Variants in CPNE1 observed in about 807,000 individuals in gnomAD.
The protein encoded by CPNE1 is copine-1.
CPNE1 carries 58 observed loss-of-function variants against 63.2 expected under a neutral mutation model. The ratio of observed to expected loss-of-function variants is 0.92; its 90% CI spans 0.74 to 1.14. The LOEUF is 1.14. Among genes scored for constraint, CPNE1 ranks in the 50% most tolerant of loss-of-function variants. The probability of loss-of-function intolerance (pLI) is 0.00; values close to 1 mark genes in which losing one functional copy is unlikely to be tolerated. For synonymous variants in CPNE1, 237 were observed against 249.0 expected (o/e 0.95, Z 0.45); for missense variants, 672 against 661.7 (o/e 1.02, Z -0.17).
chr20:35,644,636 CTGAGAA>C (rs139260828), intron 1 of CPNE1, among the ~76,000 whole-genome samples: 4,277 of 152,294 alleles, frequency 0.028, 83 homozygotes, highest in Non-Finnish European at 0.04. Flanking sequence ...CGAACCGATT[CTGAGAA>C]TGTTATTTCT....
chr20:35,631,808 C>T (rs761696013), intron 6 of CPNE1, 31 bp from the exon 7 acceptor site: 2 of 1,592,138 alleles, frequency 1.3e-6, no homozygotes, highest in East Asian at 2.2e-5. Flanking sequence ...CTCCAGTGAG[C>T]TCTGGCATGG....
At chr20:35,656,020 T>A (rs528956446) in intron 1 of CPNE1, among the ~76,000 whole-genome samples, 2 of 152,300 alleles carry the variant, frequency 1.3e-5, no homozygotes, top group East Asian at 3.9e-4. Flanking sequence ...GGTTAAGACA[T>A]ACTAAGAAGC....
intron 13 of CPNE1, among the ~76,000 whole-genome samples, chr20:35,629,617 A>G (rs1185118723): frequency 1.3e-5 from 2 of 151,568 alleles, no homozygotes; most frequent in African/African-American, 4.8e-5. Flanking sequence ...ACCAAAGCAC[A>G]CAGAGATTAA....
At chr20:35,637,865 C>A (rs1329883129) in intron 1 of CPNE1, among the ~76,000 whole-genome samples, 1 of 152,180 alleles carries the variant, frequency 6.6e-6, no homozygotes, top group Non-Finnish European at 1.5e-5. Flanking sequence ...CCTTTCTGAT[C>A]CACATATACC....
intron 1 of CPNE1, among the ~76,000 whole-genome samples, chr20:35,634,757 G>A (rs1229650967): frequency 4.0e-5 from 6 of 151,830 alleles, no homozygotes; most frequent in African/African-American, 7.2e-5. Context: ...TCCTTCTTTC[G>A]TGAGACAGAG....
At chr20:35,632,967 C>A in intron 1 of CPNE1, 44 bp from the exon 2 acceptor site, 1 of 846,218 alleles carries the variant, frequency 1.2e-6, no homozygotes, top group Non-Finnish European at 2.1e-6. Context: ...AGCCTTCTCT[C>A]CCCTTCCCCG....
At chr20:35,630,412 T>C (rs931183363) in intron 13 of CPNE1, 27 bp downstream of exon 13, 2 of 1,608,838 alleles carry the variant, frequency 1.2e-6, no homozygotes, top group Non-Finnish European at 1.7e-6. Flanking sequence ...TGGACAGACC[T>C]GCCTCAGGGT....
intron 13 of CPNE1, 104 bp downstream of exon 13, chr20:35,630,335 T>C: frequency 1.2e-6 from 1 of 847,814 alleles, no homozygotes; most frequent in Non-Finnish European, 1.9e-6. Flanking sequence ...ATCCACCCTC[T>C]GGACAATGAA....
intron 12 of CPNE1, 73 bp from the exon 13 acceptor site, chr20:35,630,563 G>GC: frequency 6.4e-7 from 1 of 1,551,632 alleles, no homozygotes; most frequent in Non-Finnish European, 8.9e-7. Flanking sequence ...ACTGGCGTGT[G>GC]CCAAGATTCC....
At chr20:35,627,882 T>C (rs935417447) in intron 13 of CPNE1, among the ~76,000 whole-genome samples, 5 of 152,128 alleles carry the variant, frequency 3.3e-5, no homozygotes, top group Admixed American at 6.6e-5. Flanking sequence ...CAGTGGCATG[T>C]GCCTGTAGTC....
intron 1 of CPNE1, chr20:35,653,487 T>C (rs2033686878): frequency 1.2e-6 from 2 of 1,614,110 alleles, no homozygotes; most frequent in Non-Finnish European, 1.7e-6. Context: ...CAAAAGCTTC[T>C]CTCCCATTAA....
chr20:35,663,720 A>G (rs985800633), intron 1 of CPNE1, among the ~76,000 whole-genome samples: 1 of 152,154 alleles, frequency 6.6e-6, no homozygotes, highest in Admixed American at 6.6e-5. Flanking sequence ...ATTTGTCACT[A>G]TAAAGCACAC....
chr20:35,644,775 C>T (rs2033015515), intron 1 of CPNE1, among the ~76,000 whole-genome samples: 1 of 152,196 alleles, frequency 6.6e-6, no homozygotes, highest in African/African-American at 2.4e-5. Flanking sequence ...TAATGTTAGC[C>T]TTGCACAAAC....
chr20:35,639,359 C>CA (rs947269135), intron 1 of CPNE1, among the ~76,000 whole-genome samples: 2 of 151,434 alleles, frequency 1.3e-5, no homozygotes, highest in African/African-American at 4.9e-5. Flanking sequence ...TTTTTTTAGA[C>CA]AGAGTCTCAC....
At chr20:35,656,516 AT>A (rs1232713653) in intron 1 of CPNE1, among the ~76,000 whole-genome samples, 4 of 152,332 alleles carry the variant, frequency 2.6e-5, no homozygotes, top group Admixed American at 2.6e-4. Context: ...TTTCCAACCC[AT>A]CTGAAAAGTC....
rs1235992923 is a variant in CPNE1 at position 35,653,651 on chromosome 20, T to C, written c.-1+11109A>G. The C allele has an allele frequency of 3.1e-6, 5 of 1,614,100 alleles. No individual in the cohort carries two copies. In the African/African-American group the frequency reaches 4.0e-5, roughly 13 times the overall value. ...CCTTCTAGGAACTGAAGAACATCCA[T>C]CTTTGTAATGCTGAATGGAATATTT... On this transcript the variant is annotated intron_variant, in intron 1 of 15. Transcript: ENST00000397443.
intron 1 of CPNE1, among the ~76,000 whole-genome samples, chr20:35,663,068 C>G (rs1050194490): frequency 6.6e-6 from 1 of 152,126 alleles, no homozygotes; most frequent in Non-Finnish European, 1.5e-5. Flanking sequence ...TGTATAAACA[C>G]GCCAAACATT....
intron 1 of CPNE1, among the ~76,000 whole-genome samples, chr20:35,634,183 T>C (rs1321106347): frequency 4.9e-5 from 6 of 121,482 alleles, no homozygotes; most frequent in East Asian, 2.5e-4. Flanking sequence ...ATGGCGTGAA[T>C]CCGGGAGGCA....
At chr20:35,658,802 AACACACACACACACACACACACACAC>A (rs10542710) in intron 1 of CPNE1, 5 of 473,468 alleles carry the variant, frequency 1.1e-5, no homozygotes, top group African/African-American at 4.3e-5. Context: ...AGCAAACAAA[AACACACACACACACACACACACACAC>A]ACACACACAC....
Sources: gnomAD v4.1 joint callset for allele counts (sites outside exome capture counted in the v4.1 genomes callset) on GRCh38, gnomAD v4.1.1 for gene constraint, MANE v1.5 for transcripts, NCBI Gene and HGNC (gene_info 2026-07-23, HGNC 2026-07-21) for gene names.